Variants in SF3B3 observed in about 807,000 individuals in gnomAD.
SF3B3 encodes splicing factor 3b subunit 3.
Under a neutral mutation model 139.2 loss-of-function variants are expected in SF3B3, and 33 were observed. The observed-to-expected ratio is 0.24, with a 90% CI of 0.18 to 0.32. The LOEUF (loss-of-function observed/expected upper bound fraction) is 0.32, where lower values mean the gene tolerates loss of function less well. Ranked by LOEUF, SF3B3 falls within the 10% of genes least tolerant of loss-of-function variation. The pLI is 1.00. For missense variants in SF3B3, 818 were observed against 1,509.4 expected (o/e 0.54, Z 7.59); for synonymous variants, 596 against 563.6 (o/e 1.06, Z -0.81).
chr16:70,556,452 C>T, intron 14 of SF3B3, 118 bp downstream of exon 14: 2 of 1,128,372 alleles, frequency 1.8e-6, no homozygotes, highest in South Asian at 1.4e-5. Context: ...GGGTTAGAAC[C>T]CAGAATCCAT....
intron 2 of SF3B3, 25 bp from the exon 3 acceptor site, chr16:70,528,848 T>G: frequency 3.3e-5 from 51 of 1,567,492 alleles, no homozygotes; most frequent in Non-Finnish European, 3.9e-5. Context: ...TGGTTGTTTA[T>G]GATCTTTATT....
chr16:70,567,405 C>G lies in SF3B3; in HGVS notation c.2827-6C>G. The stretch of plus-strand genomic sequence containing the variant: ...AATAGCTGTATTACCTGCTTTTCCT[C>G]TATAGACTCCTGTGGAAGAGGTCCC... On this transcript the variant is annotated splice_polypyrimidine_tract_variant and splice_region_variant and intron_variant, in intron 20 of 25. Coordinates refer to ENST00000302516, the MANE Select transcript of SF3B3 (RefSeq NM_012426.5). 1.2e-6 allele frequency: 2 copies of G among 1,612,036 alleles called. No homozygotes were observed. The highest frequency in any genetic ancestry group is 1.7e-6 in the Non-Finnish European group (2 of 1,179,234).
At chr16:70,545,704 C>G (rs919131309) in intron 10 of SF3B3, among the ~76,000 whole-genome samples, 3 of 152,276 alleles carry the variant, frequency 2.0e-5, no homozygotes, top group African/African-American at 7.2e-5. Context: ...AATTCTGGCT[C>G]TACCACTTAA....
At chr16:70,532,448 T>A (rs1305236549) in intron 4 of SF3B3, 31 bp from the exon 5 acceptor site, 1 of 1,610,202 alleles carries the variant, frequency 6.2e-7, no homozygotes, top group South Asian at 1.1e-5. Flanking sequence ...TTTATGCTGA[T>A]GATTAGTTTT....
At chr16:70,534,700 G>A (rs959441992) in intron 5 of SF3B3, among the ~76,000 whole-genome samples, 6 of 152,018 alleles carry the variant, frequency 3.9e-5, no homozygotes, top group African/African-American at 9.7e-5. Flanking sequence ...ACAGAATCTC[G>A]CACTGTTGCC....
rs941111886 is a variant in SF3B3, at chr16:70,568,423, A to C, written c.3093A>C (p.Arg1031=). The change falls in exon 22 of 26, where the codon CGA becomes CGC. Residue 1031 remains arginine (R), a synonymous_variant. Coordinates refer to ENST00000302516, the MANE Select transcript of SF3B3 (RefSeq NM_012426.5). ...LIIFADDTYP[R]WVTTASLLDY... The stretch of plus-strand genomic sequence containing the variant: ...TCTTTGCTGATGATACCTACCCCCG[A>C]TGGGTCACTACAGCCAGCCTCCTGG... 7.4e-6 allele frequency: 12 copies of C among 1,614,122 alleles called. No individual in the cohort carries two copies. Among genetic ancestry groups the C allele is most frequent in the Non-Finnish European group, 8.5e-7 (1 of 1,179,968 alleles).
chr16:70,537,904 T>G, intron 6 of SF3B3: 1 of 405,618 alleles, frequency 2.5e-6, no homozygotes, highest in South Asian at 1.8e-5. Flanking sequence ...TGAGACCTTG[T>G]CTTTAAAAGA....
At chr16:70,539,648 T>C (rs774302549) in intron 8 of SF3B3, among the ~76,000 whole-genome samples, 1 of 152,200 alleles carries the variant, frequency 6.6e-6, no homozygotes, top group African/African-American at 2.4e-5. Context: ...GTTCTATCCT[T>C]GTAGAGTCTT....
At position 70,576,771 on chromosome 16, in the gene SF3B3, A is replaced by G. The variant is rs1206074067; in HGVS notation, c.*4958A>G. Reference sequence around the variant, plus strand: ...TGAAGAGAGCACTGTATACAGTCAGATGACCTGGGCTCACTAGCCTCTAAG... The same window carrying G: ...TGAAGAGAGCACTGTATACAGTCAGGTGACCTGGGCTCACTAGCCTCTAAG... On this transcript the variant is annotated 3_prime_UTR_variant, in exon 26 of 26. Coordinates refer to ENST00000302516, the MANE Select transcript of SF3B3 (RefSeq NM_012426.5). The G allele has an allele frequency of 6.6e-6, 1 of 152,220 alleles. No individual in the cohort carries two copies. Among genetic ancestry groups the G allele is most frequent in the Non-Finnish European group, 1.5e-5 (1 of 68,064 alleles). 9.4% of individuals were successfully genotyped at this position (152,220 alleles called of 1,614,324 possible).
chr16:70,554,192 C>G, intron 11 of SF3B3: 2 of 361,890 alleles, frequency 5.5e-6, no homozygotes. Context: ...GATTCTCTTG[C>G]TTTGTCCTCT....
chr16:70,534,205 A>G (rs542611805), intron 5 of SF3B3, among the ~76,000 whole-genome samples: 1 of 152,300 alleles, frequency 6.6e-6, no homozygotes, highest in African/African-American at 2.4e-5. Flanking sequence ...TGGGAGAGGA[A>G]GTTTCAGTTG....
intron 5 of SF3B3, among the ~76,000 whole-genome samples, chr16:70,534,822 C>G (rs942927768): frequency 5.9e-5 from 9 of 152,248 alleles, no homozygotes; most frequent in Admixed American, 5.2e-4. Flanking sequence ...GCGCCCACCA[C>G]CATGCCTGGC....
At position 70,574,506 on chromosome 16, in the gene SF3B3, T is replaced by C. The variant is rs1010011931; in HGVS notation, c.*2693T>C. On this transcript the variant is annotated 3_prime_UTR_variant, in exon 26 of 26. Coordinates refer to ENST00000302516, the MANE Select transcript of SF3B3 (RefSeq NM_012426.5). ...TCATAAATTCTTGTTTTTTTGTTTG[T>C]TTGTTTATTAGAGATGGAATCTCTC... 2 of 152,182 alleles carry C rather than the reference T, an allele frequency of 1.3e-5. No homozygotes were observed. Among genetic ancestry groups the C allele is most frequent in the Non-Finnish European group, 2.9e-5 (2 of 68,062 alleles). 9.4% of individuals were successfully genotyped at this position (152,182 alleles called of 1,614,324 possible). A position where few individuals can be genotyped will look rare whatever the true frequency, so the allele number is the denominator to read the frequency against.
chr16:70,532,361 A>G (rs2050130090), intron 4 of SF3B3, 118 bp from the exon 5 acceptor site: 8 of 803,580 alleles, frequency 1.0e-5, no homozygotes, highest in Middle Eastern at 5.7e-4. Flanking sequence ...TCTCTCCAAA[A>G]AAAAAAGAAG....
chr16:70,568,943 C>T lies in SF3B3; in HGVS notation c.3166-100C>T, dbSNP rs541756099. On this transcript the variant is annotated intron_variant, in intron 22 of 25. Coordinates refer to ENST00000302516, the MANE Select transcript of SF3B3 (RefSeq NM_012426.5). ...CTCAGGCCTCTGTCTAGGCAGTGCC[C>T]CTGTGGCTGACTTGCAAAGACCTGG... is the stretch of plus-strand genomic sequence containing the variant. 20 of 756,318 alleles carry T rather than the reference C, an allele frequency of 2.6e-5. No individual in the cohort carries two copies. The South Asian group carries it at 3.5e-4, about 13-fold the overall frequency. 46.9% of individuals were successfully genotyped at this position (756,318 alleles called of 1,614,324 possible).
At position 70,572,322 on chromosome 16, in the gene SF3B3, G is replaced by T; in HGVS notation, c.*509G>T. Reference sequence around the variant, plus strand: ...GACTGGCATCCATGTGTCTTGTTCTGGAGATGAGGATGTAGGTGGGAGGTT... The same window carrying T: ...GACTGGCATCCATGTGTCTTGTTCTTGAGATGAGGATGTAGGTGGGAGGTT... On this transcript the variant is annotated 3_prime_UTR_variant, in exon 26 of 26. Coordinates refer to ENST00000302516, the MANE Select transcript of SF3B3 (RefSeq NM_012426.5). The T allele has an allele frequency of 3.5e-6, 1 of 287,718 alleles. No individual in the cohort carries two copies. Among genetic ancestry groups the T allele is most frequent in the Non-Finnish European group, 6.9e-6 (1 of 145,336 alleles). The allele number at this position is 287,718 out of a possible 1,614,324, so 17.8% of individuals were successfully genotyped here. A position where few individuals can be genotyped will look rare whatever the true frequency, so the allele number is the denominator to read the frequency against.
intron 12 of SF3B3, 24 bp from the exon 13 acceptor site, chr16:70,555,027 G>A (rs776046844): frequency 2.5e-6 from 4 of 1,608,258 alleles, no homozygotes; most frequent in Admixed American, 1.7e-5. Flanking sequence ...TTAAAGTCAG[G>A]TTTCTTTCTG....
rs1160684458 is a variant in SF3B3 at position 70,575,373 on chromosome 16, A to AT, written c.*3565dup. 6.6e-6 allele frequency: 1 copy of AT among 150,976 alleles called. No individual in the cohort carries two copies. The highest frequency in any genetic ancestry group is 1.5e-5 in the Non-Finnish European group (1 of 67,740). The allele number at this position is 150,976 out of a possible 1,614,324, so 9.4% of individuals were successfully genotyped here. The stretch of plus-strand genomic sequence containing the variant: ...ACCACCATGCCTGGCTAATTTTTGT[A>AT]TTTTTAGTAGAGATGGGGTTTCACC... On this transcript the variant is annotated 3_prime_UTR_variant, in exon 26 of 26. Coordinates refer to ENST00000302516, the MANE Select transcript of SF3B3 (RefSeq NM_012426.5).
intron 9 of SF3B3, 50 bp downstream of exon 9, chr16:70,541,884 A>C: frequency 6.7e-7 from 1 of 1,488,466 alleles, no homozygotes; most frequent in Non-Finnish European, 9.2e-7. Context: ...AGTTAAACTG[A>C]GGTCTAGTCT....
Sources: gnomAD v4.1 joint callset for allele counts (sites outside exome capture counted in the v4.1 genomes callset) on GRCh38, gnomAD v4.1.1 for gene constraint, MANE v1.5 for transcripts, NCBI Gene and HGNC (gene_info 2026-07-23, HGNC 2026-07-21) for gene names.